FRYL: variants seen among roughly 807,000 people sequenced by gnomAD.
FRYL encodes the protein protein furry homolog-like.
FRYL carries 150 observed loss-of-function variants against 351.2 expected under a neutral mutation model. The ratio of observed to expected loss-of-function variants is 0.43; its 90% CI spans 0.37 to 0.49. The LOEUF is 0.49. Ranked by LOEUF, FRYL falls within the 20% of genes least tolerant of loss-of-function variation. FRYL has a pLI of 0.00. For missense variants in FRYL, 3,036 were observed against 3,619.3 expected (o/e 0.84, Z 4.13); for synonymous variants, 1,153 against 1,257.1 (o/e 0.92, Z 1.75).
At chr4:48,584,479 G>A (rs1741650232) in intron 19 of FRYL, among the ~76,000 whole-genome samples, 1 of 152,202 alleles carries the variant, frequency 6.6e-6, no homozygotes, top group Non-Finnish European at 1.5e-5. Flanking sequence ...AGTTCCATCA[G>A]CACATGAGAA....
chr4:48,675,348 C>A (rs899473602), intron 3 of FRYL, among the ~76,000 whole-genome samples: 2 of 152,212 alleles, frequency 1.3e-5, no homozygotes. Context: ...GAGGGAGAGG[C>A]GCGAGCGGAA....
At chr4:48,507,309 G>T (rs1301032056) in intron 59 of FRYL, among the ~76,000 whole-genome samples, 1 of 152,130 alleles carries the variant, frequency 6.6e-6, no homozygotes, top group African/African-American at 2.4e-5. Flanking sequence ...GAGCATACAA[G>T]ACATGGTAGT....
At chr4:48,669,838 T>C (rs776589) in intron 3 of FRYL, among the ~76,000 whole-genome samples, 149,574 of 152,032 alleles carry the variant, frequency 0.98, 73,612 homozygotes, top group East Asian at 1. Flanking sequence ...TACTTAACTG[T>C]CCCAATTTTT....
At chr4:48,654,119 C>G (rs1758292465) in intron 3 of FRYL, among the ~76,000 whole-genome samples, 1 of 152,090 alleles carries the variant, frequency 6.6e-6, no homozygotes, top group Non-Finnish European at 1.5e-5. Context: ...GTTACTGTTA[C>G]CAGTTTTGAG....
rs2067654393 is a variant in FRYL at position 48,497,558 on chromosome 4, A to G, written c.*1864T>C. ...ATCATTCATTCTTTGTTAAAATACAACACAAACCAACAGCTACAATGCTTT... is the reference window on the plus strand; with the variant it reads ...ATCATTCATTCTTTGTTAAAATACAGCACAAACCAACAGCTACAATGCTTT... On this transcript the variant is annotated 3_prime_UTR_variant, in exon 64 of 64. Transcript: ENST00000358350. The G allele has an allele frequency of 6.6e-6, 1 of 152,628 alleles. No homozygotes were observed. Among genetic ancestry groups the G allele is most frequent in the Non-Finnish European group, 1.5e-5 (1 of 68,044 alleles). The allele number at this position is 152,628 out of a possible 1,614,324, so 9.5% of individuals were successfully genotyped here. A position where few individuals can be genotyped will look rare whatever the true frequency, so the allele number is the denominator to read the frequency against.
rs1048453714 is a variant in FRYL at position 48,713,744 on chromosome 4, T to C, written c.-383-3046A>G. On this transcript the variant is annotated intron_variant, in intron 1 of 63. Coordinates refer to ENST00000358350, the MANE Select transcript of FRYL (RefSeq NM_015030.2). ...GAAAGTTAACAAGGAAACCCAGGAA[T>C]TGAACTCAGCTCTACACCAAGCAGA... 1.2e-4 allele frequency among the ~76,000 whole-genome samples: 18 copies of C among 151,694 alleles called. No homozygotes were observed. The South Asian group carries it at 2.3e-3, about 19-fold the overall frequency.
intron 1 of FRYL, among the ~76,000 whole-genome samples, chr4:48,742,578 G>A (rs1409698862): frequency 1.3e-5 from 2 of 152,080 alleles, no homozygotes; most frequent in African/African-American, 4.8e-5. Flanking sequence ...ATTCCCTACT[G>A]TAACAGACCA....
chr4:48,659,418 AGAAGGAGAAGAGGAAGAG>A lies in FRYL; in HGVS notation c.-80-24946_-80-24929del, dbSNP rs1389382730. 7.0e-3 allele frequency among the ~76,000 whole-genome samples: 30 copies of A among 4,298 alleles called. 13 individuals carry two copies. The highest frequency in any genetic ancestry group is 7.4e-3 in the African/African-American group (29 of 3,894). The allele number at this position is 4,298 out of a possible 152,430, so 2.8% of individuals were successfully genotyped here. On this transcript the variant is annotated intron_variant, in intron 3 of 63. Coordinates refer to ENST00000358350, the MANE Select transcript of FRYL (RefSeq NM_015030.2). ...AAGAAGGAGAAGGAGAAGGAGAAGG[AGAAGGAGAAGAGGAAGAG>A]GAAGAGGAAGAGGAAGAGGGAGAAG... is the stretch of plus-strand genomic sequence containing the variant.
chr4:48,733,331 T>A (rs1347093750), intron 1 of FRYL, among the ~76,000 whole-genome samples: 3 of 150,170 alleles, frequency 2.0e-5, no homozygotes, highest in Admixed American at 6.6e-5. Context: ...GAATTCTGTA[T>A]CCTGTGAAAT....
chr4:48,722,980 G>A (rs1769655899), intron 1 of FRYL, among the ~76,000 whole-genome samples: 1 of 152,096 alleles, frequency 6.6e-6, no homozygotes, highest in African/African-American at 2.4e-5. Flanking sequence ...CAGTTTCACG[G>A]TGACAAAAAT....
intron 2 of FRYL, among the ~76,000 whole-genome samples, chr4:48,694,948 C>T (rs1766015265): frequency 6.6e-6 from 1 of 152,088 alleles, no homozygotes; most frequent in Non-Finnish European, 1.5e-5. Flanking sequence ...TGGCACTAGC[C>T]TGTAGTCCCA....
intron 1 of FRYL, among the ~76,000 whole-genome samples, chr4:48,720,896 T>C (rs574117362): frequency 7.8e-4 from 119 of 152,324 alleles, no homozygotes; most frequent in Non-Finnish European, 7.4e-4. Context: ...CACTACACCA[T>C]AGATTTGGAA....
At position 48,579,011 on chromosome 4, in the gene FRYL, G is replaced by A; in HGVS notation, c.2490C>T (p.Tyr830=). 1 of 1,613,258 alleles carries A rather than the reference G, an allele frequency of 6.2e-7. No homozygotes were observed. The highest frequency in any genetic ancestry group is 8.5e-7 in the Non-Finnish European group (1 of 1,179,670). ...GAGGGGACAACAACTGAAGTCTTGT[G>A]TATGCAAACATCCAAGCATAGCTCA... ...TAVSYAWMFA[Y]TRLQLLSPQV... is the part of the protein sequence containing the mutation. Residue 830 remains tyrosine (Y), a synonymous_variant, in exon 23 of 64, where the codon TAC becomes TAT. Coordinates refer to ENST00000358350, the MANE Select transcript of FRYL (RefSeq NM_015030.2).
chr4:48,508,391 G>A (rs1369312722), intron 59 of FRYL, among the ~76,000 whole-genome samples: 1 of 152,040 alleles, frequency 6.6e-6, no homozygotes, highest in East Asian at 1.9e-4. Context: ...TGATAAACAT[G>A]GTATATAGTC....
intron 3 of FRYL, among the ~76,000 whole-genome samples, chr4:48,678,507 C>CAA (rs10639089): frequency 0.3 from 21,596 of 71,818 alleles, 4,204 homozygotes; most frequent in African/African-American, 0.42. Context: ...AACTCCATCT[C>CAA]AAAAAAAAAA....
chr4:48,699,653 T>C (rs2149573180), intron 2 of FRYL, among the ~76,000 whole-genome samples: 1 of 152,240 alleles, frequency 6.6e-6, no homozygotes, highest in Admixed American at 6.5e-5. Flanking sequence ...ACAGGGAAAA[T>C]GTGACAAAGT....
chr4:48,520,250 G>A (rs1724621205), intron 55 of FRYL, among the ~76,000 whole-genome samples: 1 of 152,148 alleles, frequency 6.6e-6, no homozygotes, highest in African/African-American at 2.4e-5. Context: ...GGAAGCCAAA[G>A]TGCCTTCATT....
intron 61 of FRYL, 21 bp from the exon 62 acceptor site, chr4:48,501,754 A>T (rs775295602): frequency 4.5e-6 from 6 of 1,324,562 alleles, no homozygotes; most frequent in Non-Finnish European, 5.4e-6. Flanking sequence ...ATAACATTAC[A>T]TTAAATTTAG....
At chr4:48,675,589 T>C (rs1243440030) in intron 3 of FRYL, among the ~76,000 whole-genome samples, 1 of 152,238 alleles carries the variant, frequency 6.6e-6, no homozygotes, top group East Asian at 1.9e-4. Flanking sequence ...GGGGCAGGGC[T>C]GGGGACCTGC....
Sources: allele counts gnomAD v4.1 joint callset (sites outside exome capture counted in the v4.1 genomes callset), GRCh38; gene constraint gnomAD v4.1.1; transcripts MANE v1.5; gene names NCBI Gene and HGNC (gene_info 2026-07-23, HGNC 2026-07-21).